The following ERBB4 variants were observed in gnomAD, a reference collection of about 807,000 sequenced individuals.
ERBB4 encodes receptor tyrosine-protein kinase erbB-4.
ERBB4 carries 42 observed loss-of-function variants against 158.0 expected under a neutral mutation model. The observed-to-expected ratio is 0.27, with a 90% confidence interval of 0.21 to 0.34. The LOEUF is 0.34. Among genes scored for constraint, ERBB4 ranks in the 10% least tolerant of loss-of-function variants. The pLI is 1.00. For synonymous variants in ERBB4, 583 were observed against 558.7 expected (o/e 1.04, Z -0.61); for missense variants, 1,333 against 1,624.1 (o/e 0.82, Z 3.08).
intron 2 of ERBB4, among the ~76,000 whole-genome samples, chr2:212,060,718 C>T (rs192552433): frequency 4.1e-4 from 62 of 149,520 alleles, no homozygotes; most frequent in African/African-American, 1.4e-3. Context: ...GGATAAAAAA[C>T]CAAACACCAC....
rs1177048243 is a variant in ERBB4, at chr2:211,414,069, T to TAAAC, written c.3135+6368_3135+6371dup. On this transcript the variant is annotated intron_variant, in intron 25 of 27. Coordinates refer to ENST00000342788, the MANE Select transcript of ERBB4 (RefSeq NM_005235.3). Reference sequence around the variant, plus strand: ...CCTTATCTGCACAAAATATCTGGTGTAAACACTTGTGGGGGCGAGTTGGAG... The same window carrying TAAAC: ...CCTTATCTGCACAAAATATCTGGTGTAAACAAACACTTGTGGGGGCGAGTTGGAG... Among the ~76,000 whole-genome samples the TAAAC allele has an allele frequency of 3.3e-5, 5 of 152,236 alleles. No homozygotes were observed. The South Asian group carries it at 6.2e-4, about 19-fold the overall frequency.
intron 12 of ERBB4, among the ~76,000 whole-genome samples, chr2:211,682,085 C>CACACACACACACACAT (rs59564874): frequency 0.011 from 1,591 of 149,786 alleles, 34 homozygotes; most frequent in African/African-American, 0.038. Context: ...CACACACACA[C>CACACACACACACACAT]ACACACAATT....
At chr2:212,536,177 T>C (rs1413120333) in intron 1 of ERBB4, among the ~76,000 whole-genome samples, 1 of 152,122 alleles carries the variant, frequency 6.6e-6, no homozygotes, top group East Asian at 1.9e-4. Flanking sequence ...ATGTATTTAG[T>C]TGGGAACACA....
At chr2:211,393,539 T>G (rs1266725559) in intron 25 of ERBB4, among the ~76,000 whole-genome samples, 1 of 152,192 alleles carries the variant, frequency 6.6e-6, no homozygotes, top group Non-Finnish European at 1.5e-5. Flanking sequence ...AACTATTTTC[T>G]CAAACAAATT....
At chr2:211,743,538 T>A (rs1283270668) in intron 5 of ERBB4, among the ~76,000 whole-genome samples, 1 of 152,224 alleles carries the variant, frequency 6.6e-6, no homozygotes, top group African/African-American at 2.4e-5. Context: ...GGGACAGAGA[T>A]AACTTTGTTT....
chr2:211,482,384 A>G (rs540977232), intron 20 of ERBB4, among the ~76,000 whole-genome samples: 1 of 152,328 alleles, frequency 6.6e-6, no homozygotes, highest in South Asian at 2.1e-4. Flanking sequence ...GGAAAAATTA[A>G]CTCTAGACTA....
rs2125319485 is a variant in ERBB4 at position 211,387,022 on chromosome 2, G to A, written c.3312C>T (p.Asp1104=). The A allele has an allele frequency of 1.2e-6, 2 of 1,614,054 alleles. No individual in the cohort carries two copies. The highest frequency in any genetic ancestry group is 1.7e-6 in the Non-Finnish European group (2 of 1,180,006). ...AQGATAEIFD[D]SCCNGTLRKP... is the part of the protein sequence containing the mutation. ...TGCGTAGGGTGCCATTACAGCAGGA[G>A]TCATCAAAAATCTCAGCAGTAGCAC... is the stretch of plus-strand genomic sequence containing the variant. The change falls in exon 27 of 28, where the codon GAC becomes GAT. Residue 1104 remains aspartate, a synonymous_variant. Transcript: ENST00000342788.
chr2:211,404,073 GAAAT>G (rs1271855052), intron 25 of ERBB4, among the ~76,000 whole-genome samples: 2 of 152,034 alleles, frequency 1.3e-5, no homozygotes, highest in Non-Finnish European at 2.9e-5. Flanking sequence ...AAGAGAAAAA[GAAAT>G]AAGTTACTTA....
intron 7 of ERBB4, among the ~76,000 whole-genome samples, chr2:211,717,699 G>C (rs1396253213): frequency 6.6e-6 from 1 of 150,680 alleles, no homozygotes; most frequent in Non-Finnish European, 1.5e-5. Context: ...CGTGGTGGAT[G>C]TGCCTGTAAT....
At chr2:211,798,150 A>G (rs1224970150) in intron 3 of ERBB4, among the ~76,000 whole-genome samples, 1 of 151,988 alleles carries the variant, frequency 6.6e-6, no homozygotes, top group Non-Finnish European at 1.5e-5. Flanking sequence ...CATTCCAGTC[A>G]ATACTGCATA....
At chr2:212,119,572 A>G (rs1010818409) in intron 2 of ERBB4, among the ~76,000 whole-genome samples, 5 of 152,186 alleles carry the variant, frequency 3.3e-5, no homozygotes, top group Non-Finnish European at 7.4e-5. Flanking sequence ...TGTGATTTTT[A>G]TGCCTCGCTG....
chr2:211,843,630 T>TTGGCCGGGTGCGGTGGCTCACGCCTG (rs1322160560), intron 3 of ERBB4, among the ~76,000 whole-genome samples: 1 of 151,162 alleles, frequency 6.6e-6, no homozygotes, highest in African/African-American at 2.4e-5. Context: ...CTAGACATCC[T>TTGGCCGGGTGCGGTGGCTCACGCCTG]TAAGCTAGTT....
chr2:211,981,628 C>G lies in ERBB4; in HGVS notation c.235-34012G>C, dbSNP rs1466716524. 3.3e-5 allele frequency among the ~76,000 whole-genome samples: 5 copies of G among 152,140 alleles called. No homozygotes were observed. The East Asian group carries it at 7.7e-4, about 23-fold the overall frequency. The stretch of plus-strand genomic sequence containing the variant: ...CCCATTCCTCAGTATGAAATGGCCT[C>G]CCTTACATCCTGATGTGCTTTTGAA... On this transcript the variant is annotated intron_variant, in intron 2 of 27. Transcript: ENST00000342788.
chr2:212,050,588 C>T (rs189336915), intron 2 of ERBB4, among the ~76,000 whole-genome samples: 5 of 152,068 alleles, frequency 3.3e-5, no homozygotes, highest in East Asian at 1.9e-4. Context: ...TTTTAAATGA[C>T]GTTAATGCTG....
At chr2:211,514,767 T>A (rs2065979894) in intron 20 of ERBB4, among the ~76,000 whole-genome samples, 1 of 152,192 alleles carries the variant, frequency 6.6e-6, no homozygotes, top group Admixed American at 6.5e-5. Context: ...CCTGGGATTT[T>A]GAAATATTTG....
At chr2:212,111,807 C>T (rs2079417782) in intron 2 of ERBB4, among the ~76,000 whole-genome samples, 1 of 151,986 alleles carries the variant, frequency 6.6e-6, no homozygotes, top group Admixed American at 6.6e-5. Flanking sequence ...AGATGTAGCT[C>T]TTGTTTTAAG....
chr2:211,467,254 G>T (rs1559197508), intron 20 of ERBB4, among the ~76,000 whole-genome samples: 1 of 152,148 alleles, frequency 6.6e-6, no homozygotes, highest in East Asian at 1.9e-4. Flanking sequence ...CGGAAAGCAA[G>T]AGAACTGGTT....
intron 16 of ERBB4, 37 bp downstream of exon 16, chr2:211,657,717 G>A: frequency 6.6e-7 from 1 of 1,518,336 alleles, no homozygotes; most frequent in African/African-American, 1.4e-5. Flanking sequence ...ACTAGGAAAG[G>A]ATTTGAGCGA....
intron 3 of ERBB4, among the ~76,000 whole-genome samples, chr2:211,864,823 G>A (rs920067269): frequency 1.3e-5 from 2 of 151,822 alleles, no homozygotes; most frequent in Non-Finnish European, 2.9e-5. Flanking sequence ...AAAATTAGCT[G>A]AGTGTGGTGG....
Sources: allele counts gnomAD v4.1 joint callset (sites outside exome capture counted in the v4.1 genomes callset), GRCh38; gene constraint gnomAD v4.1.1; transcripts MANE v1.5; gene names NCBI Gene and HGNC (gene_info 2026-07-23, HGNC 2026-07-21).